The following OGDH variants were observed in gnomAD, a reference collection of about 807,000 sequenced individuals.
OGDH encodes the protein 2-oxoglutarate dehydrogenase complex component E1.
A neutral mutation model predicts 116.6 loss-of-function variants in OGDH; 38 were observed. That is an observed-to-expected ratio of 0.33 (90% CI 0.25 to 0.43). The LOEUF is 0.43. Ranked by LOEUF, OGDH falls within the 20% of genes least tolerant of loss-of-function variation. The probability of loss-of-function intolerance (pLI) is 1.00; values close to 1 mark genes in which losing one functional copy is unlikely to be tolerated. For synonymous variants in OGDH, 488 were observed against 533.3 expected (o/e 0.92, Z 1.17); for missense variants, 825 against 1,357.2 (o/e 0.61, Z 6.16).
intron 4 of OGDH, among the ~76,000 whole-genome samples, chr7:44,650,158 T>C (rs957839421): frequency 1.2e-4 from 18 of 152,160 alleles, no homozygotes; most frequent in African/African-American, 4.3e-4. Flanking sequence ...AGTCTTCAGG[T>C]ACAAAAAATG....
chr7:44,639,633 A>T (rs1022418652), intron 2 of OGDH, among the ~76,000 whole-genome samples: 4 of 152,228 alleles, frequency 2.6e-5, no homozygotes, highest in Non-Finnish European at 4.4e-5. Flanking sequence ...TCTATCACTC[A>T]ATTCAAAAAC....
intron 1 of OGDH, among the ~76,000 whole-genome samples, chr7:44,616,682 CAT>C (rs1345116467): frequency 4.9e-5 from 7 of 143,356 alleles, no homozygotes; most frequent in Admixed American, 7.0e-5. Context: ...TATATATACA[CAT>C]ATGTATATGT....
intron 2 of OGDH, among the ~76,000 whole-genome samples, chr7:44,639,007 G>C (rs1411072988): frequency 6.6e-6 from 1 of 152,206 alleles, no homozygotes; most frequent in African/African-American, 2.4e-5. Flanking sequence ...CGCTCTCCCA[G>C]ATAGTGACAA....
In OGDH at chr7:44,624,291, GTTTT is replaced by G. The variant is rs200113572; in HGVS notation, c.-27-10_-27-7del. ...CTCATTTTTAAAACCTTTCTTTCTT[GTTTT>G]TTTTTTTTTTTTTTTGTACAGGCAG... On this transcript the variant is annotated intron_variant, in intron 1 of 22. Transcript: ENST00000222673. 5.6e-3 allele frequency: 4,250 copies of G among 754,396 alleles called. 1 individual carries two copies. Among genetic ancestry groups the G allele is most frequent in the East Asian group, 0.031 (1,049 of 33,308 alleles). The allele number at this position is 754,396 out of a possible 1,614,324, so 46.7% of individuals were successfully genotyped here.
intron 3 of OGDH, among the ~76,000 whole-genome samples, chr7:44,647,269 C>T (rs1786226346): frequency 6.6e-6 from 1 of 152,208 alleles, no homozygotes. Flanking sequence ...TACATTTATG[C>T]ACAATAGTGC....
rs779170833 is a variant in OGDH, at chr7:44,696,470, C to T, written c.1813C>T (p.Pro605Ser). ...CGGGCAGCCCAGGAGCATGTCCTGC[C>T]CCTCCACGGGTCTGACGGAGGATAT... ...LDGQPRSMSC[P>S]STGLTEDILT... Residue 605 changes from proline (P) to serine (S), a missense_variant, in exon 14 of 23, where the codon CCC becomes TCC. Transcript: ENST00000222673. The T allele has an allele frequency of 3.5e-5, 57 of 1,614,056 alleles. No homozygotes were observed. The highest frequency in any genetic ancestry group is 3.0e-4 in the South Asian group (27 of 91,090).
chr7:44,609,964 T>A (rs978012216), intron 1 of OGDH, among the ~76,000 whole-genome samples: 1 of 152,204 alleles, frequency 6.6e-6, no homozygotes, highest in African/African-American at 2.4e-5. Context: ...TTTCATGTGC[T>A]TATTTGCCAT....
intron 9 of OGDH, among the ~76,000 whole-genome samples, chr7:44,677,908 T>A: frequency 6.6e-6 from 1 of 150,862 alleles, no homozygotes; most frequent in Non-Finnish European, 1.5e-5. Flanking sequence ...GTGGAACCAA[T>A]TATTACTTTA....
chr7:44,667,278 G>A (rs191409086), intron 5 of OGDH, among the ~76,000 whole-genome samples: 2 of 152,260 alleles, frequency 1.3e-5, no homozygotes, highest in African/African-American at 4.8e-5. Flanking sequence ...GAGGACTTTT[G>A]TGGCTATTGT....
chr7:44,671,646 T>C (rs1234675759), intron 5 of OGDH, among the ~76,000 whole-genome samples: 1 of 150,330 alleles, frequency 6.7e-6, no homozygotes, highest in Non-Finnish European at 1.5e-5. Flanking sequence ...CATGCACCTA[T>C]AGTCCCAGCT....
intron 1 of OGDH, among the ~76,000 whole-genome samples, chr7:44,609,715 G>A (rs901395821): frequency 1.5e-4 from 23 of 152,140 alleles, no homozygotes; most frequent in South Asian, 2.1e-4. Context: ...TAAATGCCCA[G>A]GAATACAATC....
intron 6 of OGDH, 74 bp from the exon 7 acceptor site, chr7:44,674,337 G>C (rs879383225): frequency 8.5e-5 from 135 of 1,585,976 alleles, no homozygotes; most frequent in Non-Finnish European, 1.1e-4. Context: ...GAGCCTCCAT[G>C]CCTGGCCAGA....
At chr7:44,636,055 C>T (rs112316003) in intron 2 of OGDH, among the ~76,000 whole-genome samples, 56 of 152,280 alleles carry the variant, frequency 3.7e-4, no homozygotes, top group African/African-American at 1.3e-3. Context: ...TCTTAAATAG[C>T]CTGTGTTTAG....
At chr7:44,664,995 T>G (rs112197721) in intron 4 of OGDH, among the ~76,000 whole-genome samples, 1 of 152,248 alleles carries the variant, frequency 6.6e-6, no homozygotes, top group African/African-American at 2.4e-5. Context: ...TGGACCGATA[T>G]AGTTTCACAA....
At chr7:44,644,627 CAG>C (rs1786089192) in intron 2 of OGDH, among the ~76,000 whole-genome samples, 1 of 152,226 alleles carries the variant, frequency 6.6e-6, no homozygotes. Context: ...ATCCCTGACA[CAG>C]AGATCAGATT....
At chr7:44,649,631 A>T (rs906227787) in intron 4 of OGDH, among the ~76,000 whole-genome samples, 2 of 152,114 alleles carry the variant, frequency 1.3e-5, no homozygotes, top group African/African-American at 4.8e-5. Flanking sequence ...CCAACTGTGC[A>T]CGTTAGTATA....
chr7:44,632,582 C>T (rs949920164), intron 2 of OGDH, among the ~76,000 whole-genome samples: 4 of 152,008 alleles, frequency 2.6e-5, no homozygotes, highest in Admixed American at 2.0e-4. Flanking sequence ...GGATTACAGG[C>T]GTGAGCCACT....
At chr7:44,684,892 C>T (rs1377985170) in intron 10 of OGDH, among the ~76,000 whole-genome samples, 1 of 151,882 alleles carries the variant, frequency 6.6e-6, no homozygotes, top group Admixed American at 6.6e-5. Context: ...CAGGTTCAAG[C>T]GATTCTCCTG....
At chr7:44,700,972 C>T (rs913361600) in intron 19 of OGDH, among the ~76,000 whole-genome samples, 2 of 152,124 alleles carry the variant, frequency 1.3e-5, no homozygotes, top group African/African-American at 2.4e-5. Context: ...GGCAGTGAGC[C>T]GAGATCGCAC....
Sources: allele counts gnomAD v4.1 joint callset (sites outside exome capture counted in the v4.1 genomes callset), GRCh38; gene constraint gnomAD v4.1.1; transcripts MANE v1.5; gene names NCBI Gene and HGNC (gene_info 2026-07-23, HGNC 2026-07-21).